Variants in ZNF768 observed in about 807,000 individuals in gnomAD.
ZNF768 encodes the protein zinc finger protein 768.
In ZNF768, 12 loss-of-function variants were observed where a neutral mutation model predicts 39.7. That is an observed-to-expected ratio of 0.30 (90% CI 0.19 to 0.49). The LOEUF (loss-of-function observed/expected upper bound fraction) is 0.49, where lower values mean the gene tolerates loss of function less well. ZNF768 is among the 20% of genes least tolerant of loss of function. The pLI is 0.99. For synonymous variants in ZNF768, 360 were observed against 288.4 expected (o/e 1.25, Z -2.52); for missense variants, 613 against 723.2 (o/e 0.85, Z 1.75).
At chr16:30,527,493 G>T (rs2051339236), upstream of ZNF768, 2 of 237,010 alleles carry the variant, frequency 8.4e-6, no homozygotes, top group African/African-American at 2.3e-5. Flanking sequence ...GGCGTTAATG[G>T]TCGCCAGGGA....
upstream of ZNF768, chr16:30,530,288 G>A (rs2051358334): frequency 6.6e-6 from 1 of 152,210 alleles, no homozygotes; most frequent in African/African-American, 2.4e-5. This position sits in a 1 kb window ranked among gnomAD's most constrained non-coding sequence, Gnocchi z 4.4. Context: ...TGGGTCATGA[G>A]GGCAGGAAGC....
chr16:30,526,918 G>A, upstream of ZNF768: 4 of 985,522 alleles, frequency 4.1e-6, no homozygotes, highest in Non-Finnish European at 4.8e-6. Flanking sequence ...TGGGCTGGAG[G>A]GGCCCGGCCA....
the ZNF768 span, chr16:30,532,335 G>A: frequency 1.3e-6 from 1 of 789,786 alleles, no homozygotes; most frequent in Non-Finnish European, 2.0e-6. Context: ...GGGGAGCAAG[G>A]TGCTGGCAGA....
chr16:30,525,044 T>A lies in ZNF768; in HGVS notation c.1096A>T (p.Thr366Ser), dbSNP rs1466274413. Residue 366 changes from threonine (T) to serine (S), a missense_variant, in exon 2 of 2, where the codon ACC becomes TCC. Transcript: ENST00000380412. ...CTGTAGGGCCGCTCGTGGCTGTGGG[T>A]GCGCTGGTGTCGCAGGAGGTAGGAG... ...DSSYLLRHQR[T>S]HSHERPYSCT... 1 of 1,614,032 alleles carries A rather than the reference T, an allele frequency of 6.2e-7. No homozygotes were observed. The highest frequency in any genetic ancestry group is 1.1e-5 in the South Asian group (1 of 91,080).
At chr16:30,527,240 C>T, upstream of ZNF768, 3 of 985,748 alleles carry the variant, frequency 3.0e-6, no homozygotes, top group Non-Finnish European at 2.4e-6. Context: ...CCTGGGACCC[C>T]CTCCAGGAAC....
At chr16:30,528,288 C>T (rs1453481691), upstream of ZNF768, 3 of 152,206 alleles carry the variant, frequency 2.0e-5, no homozygotes, top group Non-Finnish European at 4.4e-5. Context: ...CGCACTGGCT[C>T]ATGTCTGTAA....
chr16:30,527,275 C>T (rs2051336185), upstream of ZNF768: 18 of 986,284 alleles, frequency 1.8e-5, no homozygotes, highest in Non-Finnish European at 2.0e-5. Flanking sequence ...CCTGCGCGCG[C>T]CCGCTCCCGT....
Position 30,525,243 on chromosome 16 carries a change from G to A in ZNF768, c.897C>T (p.Ser299=), listed in dbSNP as rs750841686. 1.3e-5 allele frequency: 21 copies of A among 1,614,102 alleles called. No individual in the cohort carries two copies. In the African/African-American group the frequency reaches 2.4e-4, roughly 18 times the overall value. The change falls in exon 2 of 2, where the codon TCC becomes TCT. Residue 299 remains serine, a synonymous_variant. Coordinates refer to ENST00000380412, the MANE Select transcript of ZNF768 (RefSeq NM_024671.4). ...GGTGTTTGATGAGGTCAGAGCTCTG[G>A]GAGAAGGCCTTGCTGCAGACCTCAC... ...YKCEVCSKAF[S]QSSDLIKHQR...
upstream of ZNF768, among the ~76,000 whole-genome samples, chr16:30,528,502 C>T (rs1357070227): frequency 1.3e-5 from 2 of 152,004 alleles, no homozygotes; most frequent in East Asian, 1.9e-4. Flanking sequence ...TGCAGTAAGC[C>T]GAGATCTCGC....
upstream of ZNF768, chr16:30,526,810 C>A: frequency 1.0e-6 from 1 of 959,376 alleles, no homozygotes. Flanking sequence ...CACCCTCCCC[C>A]GCACAGGAAG....
chr16:30,532,376 T>A, the ZNF768 span: 1 of 1,136,932 alleles, frequency 8.8e-7, no homozygotes, highest in Non-Finnish European at 1.3e-6. Context: ...GATCAGACTG[T>A]CCGCACCCCA....
In ZNF768 at chr16:30,524,369, G is replaced by T; in HGVS notation, c.*148C>A. The T allele has an allele frequency of 1.5e-6, 2 of 1,310,816 alleles. No individual in the cohort carries two copies. Among genetic ancestry groups the T allele is most frequent in the Non-Finnish European group, 1.0e-6 (1 of 984,788 alleles). 81.2% of individuals were successfully genotyped at this position (1,310,816 alleles called of 1,614,324 possible). The stretch of plus-strand genomic sequence containing the variant: ...CACTTCCCACAAGTCTCCAGGGCAT[G>T]TCACTTCCTCCACCCTGGTTCTCTT... On this transcript the variant is annotated 3_prime_UTR_variant, in exon 2 of 2. Coordinates refer to ENST00000380412, the MANE Select transcript of ZNF768 (RefSeq NM_024671.4).
Position 30,525,975 on chromosome 16 carries a change from T to C in ZNF768, c.165A>G (p.Pro55=). ...CAGGGCTCTGGGGTTCAAGCCCAAA[T>C]GGTATCTCTTCGACTTCATAGTCCC... The part of the protein sequence containing the change: ...GSGDYEVEEI[P]FGLEPQSPGF... Residue 55 remains proline, a synonymous_variant, in exon 2 of 2, where the codon CCA becomes CCG. Transcript: ENST00000380412. 6.6e-7 allele frequency: 1 copy of C among 1,506,898 alleles called. No homozygotes were observed. 93.3% of individuals were successfully genotyped at this position (1,506,898 alleles called of 1,614,324 possible).
Position 30,525,048 on chromosome 16 carries a change from C to T in ZNF768, c.1092G>A (p.Gln364=). The T allele has an allele frequency of 1.9e-6, 3 of 1,614,162 alleles. No individual in the cohort carries two copies. Among genetic ancestry groups the T allele is most frequent in the Non-Finnish European group, 2.5e-6 (3 of 1,180,034 alleles). ...FGDSSYLLRH[Q]RTHSHERPYS... is the part of the protein sequence containing the mutation. ...AGGGCCGCTCGTGGCTGTGGGTGCG[C>T]TGGTGTCGCAGGAGGTAGGAGCTGT... The change falls in exon 2 of 2, where the codon CAG becomes CAA. Residue 364 remains glutamine (Q), a synonymous_variant. Transcript: ENST00000380412.
upstream of ZNF768, chr16:30,527,045 C>T: frequency 1.0e-6 from 1 of 985,444 alleles, no homozygotes; most frequent in Non-Finnish European, 1.2e-6. Context: ...CCGGGCCCCG[C>T]GTCGTCGGTG....
intron 1 of ZNF768, 91 bp from the exon 2 acceptor site, chr16:30,526,142 G>A (rs1260741806): frequency 3.5e-5 from 52 of 1,490,694 alleles, no homozygotes; most frequent in Non-Finnish European, 3.2e-5. Context: ...ATGCAGGGTC[G>A]CTGGCCCCTA....
intron 1 of ZNF768, 60 bp downstream of exon 1, chr16:30,526,266 G>T: frequency 1.9e-6 from 3 of 1,599,524 alleles, no homozygotes; most frequent in Non-Finnish European, 2.6e-6. Context: ...TCCCTCCCTG[G>T]AGCCACAGCC....
Position 30,526,530 on chromosome 16 carries a change from T to C in ZNF768, c.-117A>G. The C allele has an allele frequency of 9.0e-7, 1 of 1,112,144 alleles. No homozygotes were observed. Among genetic ancestry groups the C allele is most frequent in the Non-Finnish European group, 1.1e-6 (1 of 912,866 alleles). The allele number at this position is 1,112,144 out of a possible 1,614,324, so 68.9% of individuals were successfully genotyped here. A position where few individuals can be genotyped will look rare whatever the true frequency, so the allele number is the denominator to read the frequency against. ...GCCCGCTCAGCGCCGCCCAGGGGAC[T>C]CGGCGGCCCAGCCCGGGCCCCCGAG... On this transcript the variant is annotated 5_prime_UTR_variant, in exon 1 of 2. Coordinates refer to ENST00000380412, the MANE Select transcript of ZNF768 (RefSeq NM_024671.4).
At chr16:30,527,242 T>C, upstream of ZNF768, 1 of 985,460 alleles carries the variant, frequency 1.0e-6, no homozygotes, top group Non-Finnish European at 1.2e-6. Context: ...TGGGACCCCC[T>C]CCAGGAACTC....
Sources: gnomAD v4.1 joint callset for allele counts (sites outside exome capture counted in the v4.1 genomes callset) on GRCh38, gnomAD v4.1.1 for gene constraint, Gnocchi (gnomAD v3.1) non-coding constraint, MANE v1.5 for transcripts, NCBI Gene and HGNC (gene_info 2026-07-23, HGNC 2026-07-21) for gene names.